Variants in UPB1 observed in about 807,000 individuals in gnomAD.
UPB1 encodes beta-ureidopropionase.
UPB1 carries 40 observed loss-of-function variants against 49.1 expected under a neutral mutation model. The ratio of observed to expected loss-of-function variants is 0.81; its 90% CI spans 0.63 to 1.06. The LOEUF (loss-of-function observed/expected upper bound fraction) is 1.06, where lower values mean the gene tolerates loss of function less well. UPB1 is among the 50% of genes least tolerant of loss of function. The pLI is 0.00. For synonymous variants in UPB1, 207 were observed against 198.2 expected (o/e 1.04, Z -0.38); for missense variants, 499 against 505.9 (o/e 0.99, Z 0.13).
At chr22:24,501,269 A>G (rs529889715) in intron 2 of UPB1, among the ~76,000 whole-genome samples, 11 of 152,326 alleles carry the variant, frequency 7.2e-5, no homozygotes, top group African/African-American at 2.6e-4. Flanking sequence ...GGAGGAGACT[A>G]TAGGCCTTGT....
At chr22:24,502,707 A>T in intron 3 of UPB1, 2 of 586,244 alleles carry the variant, frequency 3.4e-6, no homozygotes, top group Non-Finnish European at 6.1e-6. Flanking sequence ...CCCCAGCATC[A>T]ACACTGAGCT....
Position 24,502,153 on chromosome 22 carries a change from G to C in UPB1, c.304G>C (p.Ala102Pro). ...QVSALHRRIK[A>P]IVEVAAMCGV... Reference sequence around the variant, plus strand: ...CTCTGCCCTTCATAGACGCATAAAGGCTATCGTAGAGGTGGCTGCAATGTG... The same window carrying C: ...CTCTGCCCTTCATAGACGCATAAAGCCTATCGTAGAGGTGGCTGCAATGTG... The change falls in exon 3 of 10, where the codon GCT (alanine) becomes CCT (proline). Residue 102 changes from alanine to proline, a missense_variant. Transcript: ENST00000326010. 1 of 1,614,144 alleles carries C rather than the reference G, an allele frequency of 6.2e-7. No homozygotes were observed. Among genetic ancestry groups the C allele is most frequent in the Non-Finnish European group, 8.5e-7 (1 of 1,180,022 alleles).
intron 3 of UPB1, among the ~76,000 whole-genome samples, chr22:24,507,665 C>T (rs1043451142): frequency 2.0e-5 from 3 of 152,232 alleles, no homozygotes; most frequent in South Asian, 2.1e-4. Context: ...ACCGAAAAGG[C>T]GGCTTAAAGA....
At position 24,502,128 on chromosome 22, in the gene UPB1, C is replaced by G; in HGVS notation, c.279C>G (p.Val93=). Residue 93 remains valine, a splice_region_variant and synonymous_variant, in exon 3 of 10, where the codon GTC becomes GTG. Transcript: ENST00000326010. ...TCTAATCCTTTTTAAATTCTCAGGT[C>G]TCTGCCCTTCATAGACGCATAAAGG... is the stretch of plus-strand genomic sequence containing the variant. ...LPANAPVAEQ[V]SALHRRIKAI... The G allele has an allele frequency of 6.2e-7, 1 of 1,614,158 alleles. No homozygotes were observed. The highest frequency in any genetic ancestry group is 8.5e-7 in the Non-Finnish European group (1 of 1,180,002).
chr22:24,505,045 CT>C (rs147577153), intron 3 of UPB1, among the ~76,000 whole-genome samples: 58 of 151,942 alleles, frequency 3.8e-4, no homozygotes, highest in African/African-American at 1.4e-3. Context: ...CCAGTCACCA[CT>C]TTGTCTTTTT....
At chr22:24,515,996 CGAAAAAACAAAAA>C (rs2044287714) in intron 6 of UPB1, among the ~76,000 whole-genome samples, 1 of 151,554 alleles carries the variant, frequency 6.6e-6, no homozygotes, top group Non-Finnish European at 1.5e-5. Context: ...CAAAACAAAA[CGAAAAAACAAAAA>C]AGAACCCCCA....
intron 4 of UPB1, among the ~76,000 whole-genome samples, chr22:24,511,321 T>C (rs1364714426): frequency 6.6e-6 from 1 of 152,124 alleles, no homozygotes; most frequent in Admixed American, 6.6e-5. Context: ...ATATAAACTG[T>C]CCAGAATAGG....
intron 3 of UPB1, among the ~76,000 whole-genome samples, chr22:24,504,098 T>C (rs543308057): frequency 6.6e-6 from 1 of 152,360 alleles, no homozygotes; most frequent in East Asian, 1.9e-4. Flanking sequence ...CTGTCCACCA[T>C]GTACAAGATG....
rs1426487441 is a variant in UPB1, at chr22:24,510,810, A to G, written c.426A>G (p.Ala142=). The change falls in exon 4 of 10, where the codon GCA becomes GCG. Residue 142 remains alanine (A), a synonymous_variant. Coordinates refer to ENST00000326010, the MANE Select transcript of UPB1 (RefSeq NM_016327.3). ...KLPWTEFAES[A]EDGPTTRFCQ... is the part of the protein sequence containing the mutation. ...CTTGGACAGAATTTGCTGAGTCAGC[A>G]GAGGATGGGCCCACCACCAGATTCT... 6.2e-7 allele frequency: 1 copy of G among 1,614,222 alleles called. No homozygotes were observed. Among genetic ancestry groups the G allele is most frequent in the South Asian group, 1.1e-5 (1 of 91,086 alleles).
At chr22:24,497,825 G>C (rs929794498) in intron 1 of UPB1, among the ~76,000 whole-genome samples, 3 of 152,188 alleles carry the variant, frequency 2.0e-5, no homozygotes, top group Non-Finnish European at 4.4e-5. Context: ...GGAGAAAAAG[G>C]AGAAGGGTCT....
intron 3 of UPB1, chr22:24,502,760 A>G (rs190889958): frequency 1.9e-6 from 1 of 530,366 alleles, no homozygotes; most frequent in African/African-American, 1.9e-5. Context: ...CTACTTCCTA[A>G]TTTTTTAGTT....
At chr22:24,502,698 C>A in intron 3 of UPB1, 1 of 593,802 alleles carries the variant, frequency 1.7e-6, no homozygotes, top group South Asian at 2.1e-5. Flanking sequence ...AGCTATTATC[C>A]CCAGCATCAA....
chr22:24,520,547 A>G (rs2044371492), intron 7 of UPB1, 79 bp downstream of exon 7: 1 of 1,505,100 alleles, frequency 6.6e-7, no homozygotes, highest in South Asian at 1.2e-5. Flanking sequence ...CTCTGCACAC[A>G]TGCCACAAAT....
chr22:24,499,148 A>G, intron 1 of UPB1, among the ~76,000 whole-genome samples: 1 of 152,182 alleles, frequency 6.6e-6, no homozygotes, highest in East Asian at 1.9e-4. Flanking sequence ...GTCACATGGA[A>G]AGTGCCTGGC....
At chr22:24,523,847 G>A in intron 9 of UPB1, 74 bp downstream of exon 9, 1 of 1,607,378 alleles carries the variant, frequency 6.2e-7, no homozygotes, top group Non-Finnish European at 8.5e-7. Context: ...AACTGCTGTT[G>A]CGGGGTTGCC....
rs571603536 is a variant in UPB1, at chr22:24,511,654, C to T, written c.459+811C>T. On this transcript the variant is annotated intron_variant, in intron 4 of 9. Coordinates refer to ENST00000326010, the MANE Select transcript of UPB1 (RefSeq NM_016327.3). ...TTTGAGATGGAGTCTCACTCTGTTG[C>T]CCAGGTTGGAGTGCAGTGGCACGAT... 5.2e-5 allele frequency among the ~76,000 whole-genome samples: 7 copies of T among 135,876 alleles called. No individual in the cohort carries two copies. In the South Asian group the frequency reaches 1.6e-3, roughly 30 times the overall value. 89.1% of individuals were successfully genotyped at this position (135,876 alleles called of 152,430 possible).
chr22:24,499,063 A>AGT (rs2043941494), intron 1 of UPB1, among the ~76,000 whole-genome samples: 4 of 152,148 alleles, frequency 2.6e-5, no homozygotes, highest in Admixed American at 2.6e-4. Context: ...AACCTGCTGG[A>AGT]GTGAAGGGAA....
intron 6 of UPB1, chr22:24,519,822 G>C (rs1036739623): frequency 5.4e-6 from 1 of 183,880 alleles, no homozygotes; most frequent in Non-Finnish European, 1.2e-5. Context: ...GGAGAGTTAG[G>C]GTAGGGCAGG....
At chr22:24,515,150 A>G (rs1290340441) in intron 5 of UPB1, 51 bp from the exon 6 acceptor site, 1 of 1,611,266 alleles carries the variant, frequency 6.2e-7, no homozygotes, top group South Asian at 1.1e-5. Context: ...TGCTGAGTCT[A>G]AGGAAATCTT....
Sources: gnomAD v4.1 joint callset for allele counts (sites outside exome capture counted in the v4.1 genomes callset) on GRCh38, gnomAD v4.1.1 for gene constraint, MANE v1.5 for transcripts, NCBI Gene and HGNC (gene_info 2026-07-23, HGNC 2026-07-21) for gene names.